ZNF568: variants seen among roughly 807,000 people sequenced by gnomAD.
ZNF568 encodes zinc finger protein 568, also known as p53 inhibitor of SCO2 activation.
In ZNF568, 11 loss-of-function variants were observed where a neutral mutation model predicts 18.1. The observed-to-expected ratio is 0.61, with a 90% confidence interval of 0.38 to 1.00. The LOEUF (loss-of-function observed/expected upper bound fraction) is 1.00, where lower values mean the gene tolerates loss of function less well. Ranked by LOEUF, ZNF568 falls within the 50% of genes least tolerant of loss-of-function variation. The pLI is 0.01. For synonymous variants in ZNF568, 213 were observed against 246.6 expected, an observed-to-expected ratio of 0.86 and a Z score of 1.28; for missense variants, 639 against 768.2, an observed-to-expected ratio of 0.83 and a Z score of 1.99.
At chr19:36,961,126 C>T (rs902749624) in intron 6 of ZNF568, among the ~76,000 whole-genome samples, 3 of 151,974 alleles carry the variant, frequency 2.0e-5, no homozygotes, top group Admixed American at 1.3e-4. Context: ...TGAAGTCCCT[C>T]ATTATTATTG....
downstream of ZNF568, among the ~76,000 whole-genome samples, chr19:36,982,782 T>C (rs140927526): frequency 7.1e-4 from 108 of 152,376 alleles, no homozygotes; most frequent in African/African-American, 2.5e-3. Context: ...ATAATTTTAA[T>C]TTATTTCCAG....
intron 6 of ZNF568, among the ~76,000 whole-genome samples, chr19:36,943,572 A>G (rs931467422): frequency 4.0e-5 from 6 of 151,746 alleles, no homozygotes; most frequent in African/African-American, 1.2e-4. Context: ...TTTTTCATAT[A>G]TTATTATTAT....
At chr19:36,923,075 G>A (rs2146268068) in intron 3 of ZNF568, among the ~76,000 whole-genome samples, 1 of 152,138 alleles carries the variant, frequency 6.6e-6, no homozygotes, top group East Asian at 1.9e-4. Context: ...TTTAAATGCT[G>A]TACTATAACA....
intron 7 of ZNF568, among the ~76,000 whole-genome samples, chr19:36,974,976 A>G (rs1193237475): frequency 3.4e-5 from 5 of 147,236 alleles, no homozygotes; most frequent in East Asian, 4.2e-4. Flanking sequence ...ACAGGCACAC[A>G]CCACCACGCC....
At chr19:36,949,491 A>G (rs748226772) in intron 6 of ZNF568, 21 bp from the exon 7 acceptor site, 1 of 1,537,892 alleles carries the variant, frequency 6.5e-7, no homozygotes, top group Non-Finnish European at 8.7e-7. Context: ...ACAAGTAATA[A>G]TTTCTGGTCC....
At chr19:36,933,130 A>C (rs1376644608) in intron 4 of ZNF568, among the ~76,000 whole-genome samples, 1 of 130,646 alleles carries the variant, frequency 7.7e-6, no homozygotes, top group Non-Finnish European at 1.6e-5. Flanking sequence ...ATTTACAACT[A>C]TGTATTCTGA....
downstream of ZNF568, among the ~76,000 whole-genome samples, chr19:36,982,722 A>T (rs760614471): frequency 2.0e-5 from 3 of 152,188 alleles, no homozygotes; most frequent in Non-Finnish European, 2.9e-5. Flanking sequence ...GAAAAAGAAA[A>T]GAAAAGAAAT....
At chr19:36,995,396 C>T (rs563303298) in intron 4 of ZNF568, among the ~76,000 whole-genome samples, 1 of 152,144 alleles carries the variant, frequency 6.6e-6, no homozygotes, top group South Asian at 2.1e-4. Flanking sequence ...GAGACTGTGT[C>T]TCAAAAACAA....
At chr19:36,939,401 G>A (rs990509679) in intron 6 of ZNF568, among the ~76,000 whole-genome samples, 1 of 152,048 alleles carries the variant, frequency 6.6e-6, no homozygotes, top group Non-Finnish European at 1.5e-5. Context: ...ACTTTTTGTT[G>A]GAGATAAGAA....
chr19:36,950,316 A>G lies in ZNF568; in HGVS notation c.1163A>G (p.Lys388Arg), dbSNP rs374023175. The change falls in exon 7 of 7, where the codon AAA becomes AGA. Residue 388 changes from lysine (K) to arginine (R), a missense_variant. Physicochemically the swap from Lys to Arg is conservative, Grantham distance 26 (BLOSUM62 2). Transcript: ENST00000333987. ...CATATGAGAAGTCACACAGGGGAGAAACCCTATAAATGTAATAAATGTGGA... is the reference window on the plus strand; with the variant it reads ...CATATGAGAAGTCACACAGGGGAGAGACCCTATAAATGTAATAAATGTGGA... ...TLHMRSHTGE[K>R]PYKCNKCGKA... 27 of 1,613,816 alleles carry G rather than the reference A, an allele frequency of 1.7e-5. No homozygotes were observed. The African/African-American group carries it at 3.3e-4, about 20-fold the overall frequency.
chr19:36,951,083 T>G lies in ZNF568; in HGVS notation c.1930T>G (p.Tyr644Asp). 6.6e-7 allele frequency: 1 copy of G among 1,510,180 alleles called. No individual in the cohort carries two copies. Among genetic ancestry groups the G allele is most frequent in the Non-Finnish European group, 8.8e-7 (1 of 1,132,598 alleles). 93.5% of individuals were successfully genotyped at this position (1,510,180 alleles called of 1,614,324 possible). A position where few individuals can be genotyped will look rare whatever the true frequency, so the allele number is the denominator to read the frequency against. ...RGHTGERHQVY is the reference protein window; with the variant it reads ...RGHTGERHQVD ...TCATACAGGTGAGAGACACCAAGTATATTAAATGAAAGAAGGCCTCTTAAA... is the reference window on the plus strand; with the variant it reads ...TCATACAGGTGAGAGACACCAAGTAGATTAAATGAAAGAAGGCCTCTTAAA... Residue 644 changes from tyrosine (Y) to aspartate (D), a missense_variant, in exon 7 of 7, where the codon TAT becomes GAT. Physicochemically the swap from Tyr to Asp is radical, Grantham distance 160 (BLOSUM62 -3). Transcript: ENST00000333987.
chr19:36,997,544 C>T, downstream of ZNF568: 3 of 1,585,646 alleles, frequency 1.9e-6, no homozygotes, highest in African/African-American at 2.7e-5. Flanking sequence ...GGTGAGAAAC[C>T]CTACGAGTGT....
In ZNF568 at chr19:36,951,149, A is replaced by C; in HGVS notation, c.*61A>C. 1.6e-5 allele frequency: 23 copies of C among 1,449,402 alleles called. No individual in the cohort carries two copies. The highest frequency in any genetic ancestry group is 1.9e-5 in the Non-Finnish European group (21 of 1,100,086). 89.8% of individuals were successfully genotyped at this position (1,449,402 alleles called of 1,614,324 possible). ...ACTTAAAATATCTTGGCATAAGCTC[A>C]AAAAAGCCAGGATCTTTATGGAAAA... On this transcript the variant is annotated 3_prime_UTR_variant, in exon 7 of 7. Transcript: ENST00000333987.
chr19:36,950,702 C>G lies in ZNF568; in HGVS notation c.1549C>G (p.Leu517Val), dbSNP rs963992277. The change falls in exon 7 of 7, where the codon CTC (leucine) becomes GTC (valine). Residue 517 changes from leucine (L) to valine (V), a missense_variant. Coordinates refer to ENST00000333987, the MANE Select transcript of ZNF568 (RefSeq NM_198539.4). ...CGKAFSQKSNLTEHEKIHTGE... is the reference protein window; with the variant it reads ...CGKAFSQKSNVTEHEKIHTGE... ...AAAAGCCTTTAGTCAGAAATCAAAC[C>G]TCACTGAACATGAGAAAATTCATAC... The G allele has an allele frequency of 3.7e-6, 6 of 1,613,646 alleles. No individual in the cohort carries two copies. In the African/African-American group the frequency reaches 6.7e-5, roughly 18 times the overall value.
intron 3 of ZNF568, 145 bp downstream of exon 3, chr19:36,922,991 A>G (rs1186390212): frequency 1.6e-6 from 1 of 631,850 alleles, no homozygotes; most frequent in East Asian, 2.9e-5. Context: ...AATCATATTC[A>G]TTTGACTATT....
rs1278768779 is a variant in ZNF568 at position 36,950,841 on chromosome 19, G to A, written c.1688G>A (p.Cys563Tyr). Reference protein sequence around the residue: ...TGEKPFKCNECGKAFSRISSL... With the variant: ...TGEKPFKCNEYGKAFSRISSL... ...GAGAAACCATTCAAATGTAATGAAT[G>A]TGGTAAAGCCTTCTCTCGAATCTCA... The change falls in exon 7 of 7, where the codon TGT becomes TAT. Residue 563 changes from cysteine to tyrosine, a missense_variant. Coordinates refer to ENST00000333987, the MANE Select transcript of ZNF568 (RefSeq NM_198539.4). 1 of 1,613,830 alleles carries A rather than the reference G, an allele frequency of 6.2e-7. No individual in the cohort carries two copies. The highest frequency in any genetic ancestry group is 8.5e-7 in the Non-Finnish European group (1 of 1,179,948).
Position 36,922,957 on chromosome 19 carries a change from T to G in ZNF568, c.76+111T>G. 7.5e-6 allele frequency: 6 copies of G among 805,026 alleles called. No homozygotes were observed. The South Asian group carries it at 9.5e-5, about 13-fold the overall frequency. 49.9% of individuals were successfully genotyped at this position (805,026 alleles called of 1,614,324 possible). Reference sequence around the variant, plus strand: ...AGAAAGGTCACGTATGTTAATTGACTAGGCAGGGGAGACATTTGTTTTTAA... The same window carrying G: ...AGAAAGGTCACGTATGTTAATTGACGAGGCAGGGGAGACATTTGTTTTTAA... On this transcript the variant is annotated intron_variant, in intron 3 of 6. Coordinates refer to ENST00000333987, the MANE Select transcript of ZNF568 (RefSeq NM_198539.4).
At chr19:36,947,747 A>C (rs183104469) in intron 6 of ZNF568, among the ~76,000 whole-genome samples, 4 of 152,138 alleles carry the variant, frequency 2.6e-5, no homozygotes, top group Non-Finnish European at 5.9e-5. Flanking sequence ...AACCCTTCCA[A>C]GTAGCTGGGA....
rs1382022419 is a variant in ZNF568 at position 36,937,105 on chromosome 19, T to A, written c.263-42T>A. ...TTAGCCTAAGATCTGAATGGTTGTC[T>A]CCAGCATTGACATCCACATCCTTTG... On this transcript the variant is annotated intron_variant, in intron 5 of 6. Transcript: ENST00000333987. 2.5e-6 allele frequency: 4 copies of A among 1,578,952 alleles called. No homozygotes were observed. The African/African-American group carries it at 5.4e-5, about 21-fold the overall frequency.
Sources: allele counts gnomAD v4.1 joint callset (sites outside exome capture counted in the v4.1 genomes callset), GRCh38; gene constraint gnomAD v4.1.1; transcripts MANE v1.5; gene names NCBI Gene and HGNC (gene_info 2026-07-23, HGNC 2026-07-21).